FRMD4A: variants seen among roughly 807,000 people sequenced by gnomAD.
The protein encoded by FRMD4A is FERM domain-containing protein 4A.
In FRMD4A, 29 loss-of-function variants were observed where a neutral mutation model predicts 129.1. The ratio of observed to expected loss-of-function variants is 0.22; its 90% CI spans 0.17 to 0.31. The LOEUF (loss-of-function observed/expected upper bound fraction) is 0.31, where lower values mean the gene tolerates loss of function less well. Ranked by LOEUF, FRMD4A falls within the 10% of genes least tolerant of loss-of-function variation. The probability of loss-of-function intolerance (pLI) is 1.00; values close to 1 mark genes in which losing one functional copy is unlikely to be tolerated. For synonymous variants in FRMD4A, 634 were observed against 571.6 expected (o/e 1.11, Z -1.56); for missense variants, 1,272 against 1,375.8 (o/e 0.92, Z 1.19).
At chr10:14,270,413 G>A (rs1845124940) in intron 2 of FRMD4A, among the ~76,000 whole-genome samples, 1 of 152,150 alleles carries the variant, frequency 6.6e-6, no homozygotes, top group Non-Finnish European at 1.5e-5. Flanking sequence ...ATCTTTGGGA[G>A]GCTATTATCC....
At chr10:13,698,309 A>G (rs1038656774) in intron 14 of FRMD4A, among the ~76,000 whole-genome samples, 2 of 152,162 alleles carry the variant, frequency 1.3e-5, no homozygotes, top group African/African-American at 4.8e-5. Flanking sequence ...CTTCAGAGAA[A>G]GGAATGGTTG....
At chr10:13,796,276 C>T (rs567978871) in intron 5 of FRMD4A, among the ~76,000 whole-genome samples, 1 of 152,194 alleles carries the variant, frequency 6.6e-6, no homozygotes, top group African/African-American at 2.4e-5. Context: ...CATCCTAGTG[C>T]AAATGCATAA....
chr10:14,044,379 G>C (rs959616812), intron 2 of FRMD4A, among the ~76,000 whole-genome samples: 2 of 152,164 alleles, frequency 1.3e-5, no homozygotes, highest in African/African-American at 2.4e-5. Context: ...CCCCATTCCT[G>C]TCTGGTAAAA....
At chr10:14,222,922 T>C (rs1051846654) in intron 2 of FRMD4A, among the ~76,000 whole-genome samples, 21 of 152,240 alleles carry the variant, frequency 1.4e-4, no homozygotes, top group African/African-American at 5.1e-4. Flanking sequence ...ACCCTATCTT[T>C]ACTAAAAATA....
rs138151988 is a variant in FRMD4A, at chr10:13,827,951, C to T, written c.112-17043G>A. On this transcript the variant is annotated intron_variant, in intron 3 of 24. Transcript: ENST00000357447. The stretch of plus-strand genomic sequence containing the variant: ...CGAAGCCCCTCCCCTGTCTCTACTG[C>T]CCAAATACCATTTATGCAAGACCCC... 2.0e-3 allele frequency among the ~76,000 whole-genome samples: 309 copies of T among 152,328 alleles called. 7 individuals carry two copies. The East Asian group carries it at 0.05, about 25-fold the overall frequency.
At chr10:13,701,930 C>T (rs930190281) in intron 13 of FRMD4A, among the ~76,000 whole-genome samples, 8 of 152,126 alleles carry the variant, frequency 5.3e-5, no homozygotes, top group African/African-American at 1.9e-4. Context: ...ATTGGGACTT[C>T]TTATATAACT....
chr10:13,696,294 C>A (rs1237166105), intron 14 of FRMD4A, among the ~76,000 whole-genome samples: 1 of 152,216 alleles, frequency 6.6e-6, no homozygotes, highest in Non-Finnish European at 1.5e-5. Context: ...ATGGCGAGTA[C>A]AACCCATGAC....
chr10:13,799,034 G>A (rs1033032394), intron 4 of FRMD4A, among the ~76,000 whole-genome samples: 2 of 152,176 alleles, frequency 1.3e-5, no homozygotes, highest in Non-Finnish European at 2.9e-5. Flanking sequence ...ACCACACACC[G>A]GGTGGGATGG....
At chr10:13,686,746 C>T (rs547906134) in intron 15 of FRMD4A, among the ~76,000 whole-genome samples, 17 of 152,140 alleles carry the variant, frequency 1.1e-4, no homozygotes, top group Non-Finnish European at 2.1e-4. Context: ...CTTGAAAACA[C>T]AACATATCCC....
rs1416061124 is a variant in FRMD4A, at chr10:13,975,225, GTA to G, written c.46-116315_46-116314del. ...GTCTATCATATGTTAATGTGTGTGT[GTA>G]TGTGTGTGTGTGCCTATCTCTGAGC... On this transcript the variant is annotated intron_variant, in intron 2 of 24. Coordinates refer to ENST00000357447, the MANE Select transcript of FRMD4A (RefSeq NM_018027.5). Among the ~76,000 whole-genome samples the G allele has an allele frequency of 2.0e-5, 3 of 151,434 alleles. No individual in the cohort carries two copies. In the East Asian group the frequency reaches 5.8e-4, roughly 29 times the overall value.
At chr10:14,174,169 G>A (rs1045534179) in intron 2 of FRMD4A, among the ~76,000 whole-genome samples, 31 of 152,036 alleles carry the variant, frequency 2.0e-4, no homozygotes, top group African/African-American at 7.5e-4. Flanking sequence ...CCCGGGTGGC[G>A]CCTCTGCACC....
In FRMD4A at chr10:14,033,102, T is replaced by C. The variant is rs1833326454; in HGVS notation, c.46-174190A>G. Among the ~76,000 whole-genome samples, 3 of 151,954 alleles carry C rather than the reference T, an allele frequency of 2.0e-5. No homozygotes were observed. The South Asian group carries it at 6.2e-4, about 32-fold the overall frequency. On this transcript the variant is annotated intron_variant, in intron 2 of 24. Coordinates refer to ENST00000357447, the MANE Select transcript of FRMD4A (RefSeq NM_018027.5). Reference sequence around the variant, plus strand: ...TGGGCGGATCACCTGAGGTCAGGAGTTCGAGATCAGCCTGGCCAACATGGT... The same window carrying C: ...TGGGCGGATCACCTGAGGTCAGGAGCTCGAGATCAGCCTGGCCAACATGGT...
chr10:14,130,538 A>G (rs946763846), intron 2 of FRMD4A, among the ~76,000 whole-genome samples: 2 of 152,260 alleles, frequency 1.3e-5, no homozygotes, highest in Non-Finnish European at 2.9e-5. Context: ...GGCACGAGCC[A>G]TCAGACCCAG....
At chr10:14,065,447 C>T (rs1035557846) in intron 2 of FRMD4A, among the ~76,000 whole-genome samples, 1 of 152,208 alleles carries the variant, frequency 6.6e-6, no homozygotes, top group African/African-American at 2.4e-5. Context: ...TCCCAAAGTG[C>T]TGGGCTTGCA....
chr10:13,689,198 C>CGGGGGG (rs61670615), intron 15 of FRMD4A, among the ~76,000 whole-genome samples: 2 of 68,062 alleles, frequency 2.9e-5, no homozygotes, highest in African/African-American at 9.0e-5. Flanking sequence ...AAACTCTTTG[C>CGGGGGG]GGGGGGGGGG....
rs11388392 is a variant in FRMD4A, at chr10:13,807,800, C to CTT, written c.206+3012_206+3013dup. 5.6e-3 allele frequency among the ~76,000 whole-genome samples: 796 copies of CTT among 142,148 alleles called. 9 individuals carry two copies. Among genetic ancestry groups the CTT allele is most frequent in the African/African-American group, 0.015 (590 of 38,534 alleles). 93.3% of individuals were successfully genotyped at this position (142,148 alleles called of 152,430 possible). On this transcript the variant is annotated intron_variant, in intron 4 of 24. Transcript: ENST00000357447. ...TCACACGTTCTATTATTTAGAAATT[C>CTT]TTTTTTTTTTTTTTTGGAGACAGTG...
At chr10:14,091,315 T>C (rs1169705627) in intron 2 of FRMD4A, among the ~76,000 whole-genome samples, 4 of 152,140 alleles carry the variant, frequency 2.6e-5, no homozygotes, top group Admixed American at 1.3e-4. Context: ...AACACACCAC[T>C]AGAACTCAAA....
chr10:13,669,138 C>T (rs1398781737), intron 17 of FRMD4A, among the ~76,000 whole-genome samples: 1 of 149,902 alleles, frequency 6.7e-6, no homozygotes, highest in African/African-American at 2.5e-5. Flanking sequence ...CTTGGCTCAC[C>T]GCAACCTCCG....
At position 13,959,787 on chromosome 10, in the gene FRMD4A, C is replaced by G. The variant is rs545767437; in HGVS notation, c.46-100875G>C. Among the ~76,000 whole-genome samples the G allele has an allele frequency of 3.3e-5, 5 of 152,310 alleles. No homozygotes were observed. In the South Asian group the frequency reaches 1.0e-3, roughly 32 times the overall value. On this transcript the variant is annotated intron_variant, in intron 2 of 24. Coordinates refer to ENST00000357447, the MANE Select transcript of FRMD4A (RefSeq NM_018027.5). ...TTCTACTGCCATTCCTGGATCAGAG[C>G]CCTGCAACACGGGGTCAGCTGCAAT...
Sources: allele counts gnomAD v4.1 joint callset (sites outside exome capture counted in the v4.1 genomes callset), GRCh38; gene constraint gnomAD v4.1.1; transcripts MANE v1.5; gene names NCBI Gene and HGNC (gene_info 2026-07-23, HGNC 2026-07-21).